FZD10: variants seen among roughly 807,000 people sequenced by gnomAD.
The protein encoded by FZD10 is frizzled class receptor 10, also known as frizzled-10.
FZD10 carries 14 observed loss-of-function variants against 24.4 expected under a neutral mutation model. That is an observed-to-expected ratio of 0.57 (90% CI 0.38 to 0.90). The LOEUF is 0.90. FZD10 is among the 40% of genes least tolerant of loss of function. The probability of loss-of-function intolerance (pLI) is 0.00; values close to 1 mark genes in which losing one functional copy is unlikely to be tolerated. For synonymous variants in FZD10, 381 were observed against 349.1 expected (o/e 1.09, Z -1.02); for missense variants, 775 against 816.6 (o/e 0.95, Z 0.62).
At position 130,164,720 on chromosome 12, in the gene FZD10, C is replaced by G; in HGVS notation, c.*32C>G. ...CTGGAGGGAAGGGCACAGGGGCGCC[C>G]GGAGCTAAGATGTGGTGCTTTTCTT... On this transcript the variant is annotated 3_prime_UTR_variant, in exon 1 of 1. Transcript: ENST00000229030. The surrounding 1 kb of genome is among the most constrained non-coding windows in gnomAD (Gnocchi z 5.3). The G allele has an allele frequency of 6.8e-7, 1 of 1,467,810 alleles. No individual in the cohort carries two copies. The highest frequency in any genetic ancestry group is 9.2e-7 in the Non-Finnish European group (1 of 1,084,066). 90.9% of individuals were successfully genotyped at this position (1,467,810 alleles called of 1,614,324 possible).
Position 130,164,144 on chromosome 12 carries a change from C to T in FZD10, c.1202C>T (p.Pro401Leu). Residue 401 changes from proline to leucine, a missense_variant, in exon 1 of 1, where the codon CCC (proline) becomes CTC (leucine). By Grantham distance (98) the Pro-to-Leu change is moderately conservative (BLOSUM62 -3). Transcript: ENST00000229030. This position sits in a 1 kb window ranked among gnomAD's most constrained non-coding sequence, Gnocchi z 5.3. ...VNALTGFVLI[P>L]LACYLVIGTS... ...GCGCTCACCGGCTTCGTGCTCATTC[C>T]CCTGGCCTGCTACCTGGTCATCGGC... 2 of 1,614,044 alleles carry T rather than the reference C, an allele frequency of 1.2e-6. No individual in the cohort carries two copies. The highest frequency in any genetic ancestry group is 1.7e-6 in the Non-Finnish European group (2 of 1,180,036).
In FZD10 at chr12:130,164,743, C is replaced by T; in HGVS notation, c.*55C>T. 4.1e-6 allele frequency: 5 copies of T among 1,207,516 alleles called. No individual in the cohort carries two copies. The highest frequency in any genetic ancestry group is 3.5e-5 in the South Asian group (2 of 57,568). 74.8% of individuals were successfully genotyped at this position (1,207,516 alleles called of 1,614,324 possible). On this transcript the variant is annotated 3_prime_UTR_variant, in exon 1 of 1. Coordinates refer to ENST00000229030, the MANE Select transcript of FZD10 (RefSeq NM_007197.4). The surrounding 1 kb of genome is among the most constrained non-coding windows in gnomAD (Gnocchi z 5.3). ...CCCGGAGCTAAGATGTGGTGCTTTT[C>T]TTGGTTGTGTTTTTCTTTCTTCTTC...
In FZD10 at chr12:130,165,142, T is replaced by C. The variant is rs118177215; in HGVS notation, c.*454T>C. 7.5e-3 allele frequency: 1,280 copies of C among 169,808 alleles called. 31 individuals are homozygous for C. The highest frequency in any genetic ancestry group is 0.066 in the East Asian group (343 of 5,236). The allele number at this position is 169,808 out of a possible 1,614,324, so 10.5% of individuals were successfully genotyped here. ...CCCACCCCCAGGAAGGCCACAGTGCTGGGCGGCATCCCTGCAGAGGAAAGA... is the reference window on the plus strand; with the variant it reads ...CCCACCCCCAGGAAGGCCACAGTGCCGGGCGGCATCCCTGCAGAGGAAAGA... On this transcript the variant is annotated 3_prime_UTR_variant, in exon 1 of 1. Coordinates refer to ENST00000229030, the MANE Select transcript of FZD10 (RefSeq NM_007197.4).
In FZD10 at chr12:130,164,143, C is replaced by T. The variant is rs1871756694; in HGVS notation, c.1201C>T (p.Pro401Ser). 6.2e-7 allele frequency: 1 copy of T among 1,613,912 alleles called. No homozygotes were observed. The part of the protein sequence containing the change: ...VNALTGFVLI[P>S]LACYLVIGTS... ...CGCGCTCACCGGCTTCGTGCTCATT[C>T]CCCTGGCCTGCTACCTGGTCATCGG... is the stretch of plus-strand genomic sequence containing the variant. Residue 401 changes from proline (P) to serine (S), a missense_variant, in exon 1 of 1, where the codon CCC becomes TCC. Transcript: ENST00000229030. The surrounding 1 kb of genome is among the most constrained non-coding windows in gnomAD (Gnocchi z 5.3).
chr12:130,163,638 C>G lies in FZD10; in HGVS notation c.696C>G (p.Ala232=). 1 of 1,613,154 alleles carries G rather than the reference C, an allele frequency of 6.2e-7. No individual in the cohort carries two copies. The highest frequency in any genetic ancestry group is 8.5e-7 in the Non-Finnish European group (1 of 1,180,036). The part of the protein sequence containing the change: ...EDKRFAVVWL[A]IWAVLCFFSS... ...AGCGCTTCGCAGTGGTCTGGCTGGC[C>G]ATCTGGGCGGTGCTGTGCTTCTTCT... Residue 232 remains alanine, a synonymous_variant, in exon 1 of 1, where the codon GCC becomes GCG. Transcript: ENST00000229030.
chr12:130,165,541 A>G lies in FZD10; in HGVS notation c.*853A>G, dbSNP rs371733558. On this transcript the variant is annotated 3_prime_UTR_variant, in exon 1 of 1. Transcript: ENST00000229030. ...CATTCAAAAGTTACCCAAAGGGCTT[A>G]TTGACTCTTTCTATTGTTAAACAAA... The G allele has an allele frequency of 9.0e-5, 15 of 167,158 alleles. No homozygotes were observed. In the East Asian group the frequency reaches 2.7e-3, roughly 30 times the overall value. 10.4% of individuals were successfully genotyped at this position (167,158 alleles called of 1,614,324 possible). A position where few individuals can be genotyped will look rare whatever the true frequency, so the allele number is the denominator to read the frequency against.
chr12:130,163,594 T>C lies in FZD10; in HGVS notation c.652T>C (p.Tyr218His), dbSNP rs770315572. ...GCTCTGCACGCCCGGCGTGGACGTG[T>C]ACTGGAGCCGCGAGGACAAGCGCTT... Reference protein sequence around the residue: ...APLCTPGVDVYWSREDKRFAV... With the variant: ...APLCTPGVDVHWSREDKRFAV... Residue 218 changes from tyrosine (Y) to histidine (H), a missense_variant, in exon 1 of 1, where the codon TAC becomes CAC. Physicochemically the swap from Tyr to His is moderately conservative, Grantham distance 83. Coordinates refer to ENST00000229030, the MANE Select transcript of FZD10 (RefSeq NM_007197.4). 1 of 1,611,914 alleles carries C rather than the reference T, an allele frequency of 6.2e-7. No homozygotes were observed. The highest frequency in any genetic ancestry group is 1.1e-5 in the South Asian group (1 of 91,032).
chr12:130,164,306 C>T lies in FZD10; in HGVS notation c.1364C>T (p.Ala455Val). The change falls in exon 1 of 1, where the codon GCC (alanine) becomes GTC (valine). Residue 455 changes from alanine to valine, a missense_variant. Ala to Val is a moderately conservative substitution (Grantham distance 64, BLOSUM62 0). Coordinates refer to ENST00000229030, the MANE Select transcript of FZD10 (RefSeq NM_007197.4). The surrounding 1 kb of genome is among the most constrained non-coding windows in gnomAD (Gnocchi z 5.3). ...GLFSVLYTVP[A>V]TCVIACYFYE... ...TTCTCTGTGCTGTACACCGTGCCGG[C>T]CACCTGTGTGATCGCCTGCTACTTT... 1 of 1,614,160 alleles carries T rather than the reference C, an allele frequency of 6.2e-7. No individual in the cohort carries two copies. Among genetic ancestry groups the T allele is most frequent in the Non-Finnish European group, 8.5e-7 (1 of 1,180,034 alleles).
At position 130,163,328 on chromosome 12, in the gene FZD10, C is replaced by T. The variant is rs1417804834; in HGVS notation, c.386C>T (p.Pro129Leu). 1 of 1,613,130 alleles carries T rather than the reference C, an allele frequency of 6.2e-7. No individual in the cohort carries two copies. Among genetic ancestry groups the T allele is most frequent in the African/African-American group, 1.3e-5 (1 of 75,056 alleles). Residue 129 changes from proline (P) to leucine (L), a missense_variant, in exon 1 of 1, where the codon CCC becomes CTC. By Grantham distance (98) the Pro-to-Leu change is moderately conservative. Transcript: ENST00000229030. ...ATGGAGCAGTTCAACTTCAAGTGGC[C>T]CGACTCCCTGGACTGCCGGAAACTC... ...PIMEQFNFKWPDSLDCRKLPN... is the reference protein window; with the variant it reads ...PIMEQFNFKWLDSLDCRKLPN...
chr12:130,164,409 G>T lies in FZD10; in HGVS notation c.1467G>T (p.Thr489=). ...HKCKMNNQTK[T]LDCLMAASIP... ...GCAAAATGAACAACCAGACTAAAACGCTGGACTGCCTGATGGCCGCCTCCA... is the reference window on the plus strand; with the variant it reads ...GCAAAATGAACAACCAGACTAAAACTCTGGACTGCCTGATGGCCGCCTCCA... The change falls in exon 1 of 1, where the codon ACG becomes ACT. Residue 489 remains threonine (T), a synonymous_variant. Coordinates refer to ENST00000229030, the MANE Select transcript of FZD10 (RefSeq NM_007197.4). The surrounding 1 kb of genome is among the most constrained non-coding windows in gnomAD (Gnocchi z 5.3). The T allele has an allele frequency of 1.9e-6, 3 of 1,613,952 alleles. No individual in the cohort carries two copies. The highest frequency in any genetic ancestry group is 2.5e-6 in the Non-Finnish European group (3 of 1,180,024).
In FZD10 at chr12:130,164,667, C is replaced by G. The variant is rs773068220; in HGVS notation, c.1725C>G (p.Ala575=). The G allele has an allele frequency of 5.6e-6, 9 of 1,606,932 alleles. No individual in the cohort carries two copies. In the South Asian group the frequency reaches 1.0e-4, roughly 18 times the overall value. ...KTHHGKYEIP[A]QSPTCV The stretch of plus-strand genomic sequence containing the variant: ...ACCACGGGAAATATGAGATCCCTGC[C>G]CAGTCGCCCACCTGCGTGTGAACAG... The change falls in exon 1 of 1, where the codon GCC becomes GCG. Residue 575 remains alanine, a synonymous_variant. Coordinates refer to ENST00000229030, the MANE Select transcript of FZD10 (RefSeq NM_007197.4). This position sits in a 1 kb window ranked among gnomAD's most constrained non-coding sequence, Gnocchi z 5.3.
rs138051070 is a variant in FZD10 at position 130,164,552 on chromosome 12, G to C, written c.1610G>C (p.Arg537Pro). The change falls in exon 1 of 1, where the codon CGT (arginine) becomes CCT (proline). Residue 537 changes from arginine (R) to proline (P), a missense_variant. By Grantham distance (103) the Arg-to-Pro change is moderately radical. Coordinates refer to ENST00000229030, the MANE Select transcript of FZD10 (RefSeq NM_007197.4). This position sits in a 1 kb window ranked among gnomAD's most constrained non-coding sequence, Gnocchi z 5.3. ...TLQSWQQVCS[R>P]RLKKKSRRKP... ...CAGTCCTGGCAGCAGGTGTGCAGCC[G>C]TAGGTTAAAGAAGAAGAGCCGGAGA... is the stretch of plus-strand genomic sequence containing the variant. 5 of 1,612,950 alleles carry C rather than the reference G, an allele frequency of 3.1e-6. No individual in the cohort carries two copies. The highest frequency in any genetic ancestry group is 1.3e-5 in the African/African-American group (1 of 74,898).
Position 130,164,805 on chromosome 12 carries a change from C to T in FZD10, c.*117C>T. ...TTTTTATAAAAGCAAAAGAGAAATA[C>T]ATAAAAAAGTGTTTACCCTGAAATT... On this transcript the variant is annotated 3_prime_UTR_variant, in exon 1 of 1. Transcript: ENST00000229030. This position sits in a 1 kb window ranked among gnomAD's most constrained non-coding sequence, Gnocchi z 5.3. 1.4e-6 allele frequency: 1 copy of T among 719,166 alleles called. No individual in the cohort carries two copies. The highest frequency in any genetic ancestry group is 2.2e-6 in the Non-Finnish European group (1 of 447,002). The allele number at this position is 719,166 out of a possible 1,614,324, so 44.5% of individuals were successfully genotyped here. A position where few individuals can be genotyped will look rare whatever the true frequency, so the allele number is the denominator to read the frequency against.
chr12:130,164,008 C>T lies in FZD10; in HGVS notation c.1066C>T (p.Leu356=). The T allele has an allele frequency of 1.2e-6, 2 of 1,613,780 alleles. No homozygotes were observed. Among genetic ancestry groups the T allele is most frequent in the Non-Finnish European group, 8.5e-7 (1 of 1,180,048 alleles). The part of the protein sequence containing the change: ...AIEANSSYFH[L]AAWAIPAVKT... ...CGAAGCCAACAGCAGCTACTTCCACCTGGCAGCCTGGGCCATCCCGGCGGT... is the reference window on the plus strand; with the variant it reads ...CGAAGCCAACAGCAGCTACTTCCACTTGGCAGCCTGGGCCATCCCGGCGGT... Residue 356 remains leucine, a synonymous_variant, in exon 1 of 1, where the codon CTG becomes TTG. Transcript: ENST00000229030. This position sits in a 1 kb window ranked among gnomAD's most constrained non-coding sequence, Gnocchi z 5.3.
At position 130,163,692 on chromosome 12, in the gene FZD10, C is replaced by T. The variant is rs1200390761; in HGVS notation, c.750C>T (p.Leu250=). Reference sequence around the variant, plus strand: ...GCGCCTTCACCGTGCTCACCTTCCTCATCGACCCGGCCCGCTTCCGCTACC... The same window carrying T: ...GCGCCTTCACCGTGCTCACCTTCCTTATCGACCCGGCCCGCTTCCGCTACC... ...FSSAFTVLTF[L]IDPARFRYPE... is the part of the protein sequence containing the mutation. Residue 250 remains leucine, a synonymous_variant, in exon 1 of 1, where the codon CTC becomes CTT. Transcript: ENST00000229030. 5 of 1,613,772 alleles carry T rather than the reference C, an allele frequency of 3.1e-6. No homozygotes were observed. The highest frequency in any genetic ancestry group is 4.2e-6 in the Non-Finnish European group (5 of 1,180,042).
At position 130,163,086 on chromosome 12, in the gene FZD10, C is replaced by T. The variant is rs765533368; in HGVS notation, c.144C>T (p.Asn48=). The T allele has an allele frequency of 4.3e-6, 7 of 1,612,770 alleles. No individual in the cohort carries two copies. The South Asian group carries it at 4.4e-5, about 10-fold the overall frequency. The stretch of plus-strand genomic sequence containing the variant: ...CGATGTGCAAGGACATCGGCTACAA[C>T]ATGACTCGTATGCCCAACCTGATGG... The part of the protein sequence containing the change: ...EIPMCKDIGY[N]MTRMPNLMGH... Residue 48 remains asparagine, a synonymous_variant, in exon 1 of 1, where the codon AAC becomes AAT. Transcript: ENST00000229030.
rs774841754 is a variant in FZD10 at position 130,164,401 on chromosome 12, AC to A, written c.1460del (p.Thr487IlefsTer7). 6.2e-7 allele frequency: 1 copy of A among 1,614,008 alleles called. No homozygotes were observed. Among genetic ancestry groups the A allele is most frequent in the Non-Finnish European group, 8.5e-7 (1 of 1,180,038 alleles). On this transcript the variant is annotated frameshift_variant, in exon 1 of 1. Transcript: ENST00000229030. LOFTEE classifies it low-confidence loss of function (END_TRUNC). The surrounding 1 kb of genome is among the most constrained non-coding windows in gnomAD (Gnocchi z 5.3). ...AQHKCKMNNQ[T>X]KTLDCLMAAS... ...GCACAAGTGCAAAATGAACAACCAGACTAAAACGCTGGACTGCCTGATGGCC... is the reference window on the plus strand; with the variant it reads ...GCACAAGTGCAAAATGAACAACCAGATAAAACGCTGGACTGCCTGATGGCC...
In FZD10 at chr12:130,163,373, A is replaced by G. The variant is rs769645215; in HGVS notation, c.431A>G (p.Asn144Ser). 2.4e-5 allele frequency: 38 copies of G among 1,612,422 alleles called. No homozygotes were observed. The highest frequency in any genetic ancestry group is 2.9e-5 in the Non-Finnish European group (34 of 1,179,842). The change falls in exon 1 of 1, where the codon AAC becomes AGC. Residue 144 changes from asparagine to serine, a missense_variant. Coordinates refer to ENST00000229030, the MANE Select transcript of FZD10 (RefSeq NM_007197.4). ...CRKLPNKNDP[N>S]YLCMEAPNNG... ...AAACTCCCCAACAAGAACGACCCCA[A>G]CTACCTGTGCATGGAGGCGCCCAAC...
rs149428477 is a variant in FZD10, at chr12:130,163,281, C to T, written c.339C>T (p.Ala113=). The T allele has an allele frequency of 1.2e-6, 2 of 1,612,982 alleles. No homozygotes were observed. Among genetic ancestry groups the T allele is most frequent in the African/African-American group, 2.7e-5 (2 of 74,918 alleles). ...IPACRVMCEQ[A]RLKCSPIMEQ... ...CCTGCCGGGTCATGTGCGAGCAGGC[C>T]CGGCTCAAGTGCTCCCCGATTATGG... The change falls in exon 1 of 1, where the codon GCC becomes GCT. Residue 113 remains alanine (A), a synonymous_variant. Transcript: ENST00000229030.
Sources: gnomAD v4.1 joint callset for allele counts on GRCh38, gnomAD v4.1.1 for gene constraint, Gnocchi (gnomAD v3.1) non-coding constraint, MANE v1.5 for transcripts, NCBI Gene and HGNC (gene_info 2026-07-23, HGNC 2026-07-21) for gene names.